The following CYP2E1 variants were observed in gnomAD, a reference collection of about 807,000 sequenced individuals.
CYP2E1 encodes the protein cytochrome P450 family 2 subfamily E member 1.
A neutral mutation model predicts 42.9 loss-of-function variants in CYP2E1; 31 were observed. The observed-to-expected ratio is 0.72, with a 90% CI of 0.54 to 0.98. CYP2E1 has a LOEUF of 0.98. CYP2E1 is among the 50% of genes least tolerant of loss of function. The probability of loss-of-function intolerance (pLI) is 0.00; values close to 1 mark genes in which losing one functional copy is unlikely to be tolerated. For missense variants in CYP2E1, 565 were observed against 633.2 expected, an observed-to-expected ratio of 0.89 and a Z score of 1.16; for synonymous variants, 244 against 248.9, an observed-to-expected ratio of 0.98 and a Z score of 0.19.
At chr10:133,535,681 C>A (rs914569004) in intron 6 of CYP2E1, among the ~76,000 whole-genome samples, 2 of 152,124 alleles carry the variant, frequency 1.3e-5, no homozygotes, top group Non-Finnish European at 2.9e-5. Context: ...ATGTATATAT[C>A]CATTGCCAAA....
intron 6 of CYP2E1, among the ~76,000 whole-genome samples, chr10:133,534,783 C>G (rs1851377943): frequency 6.6e-6 from 1 of 152,128 alleles, no homozygotes; most frequent in African/African-American, 2.4e-5. Context: ...GTTATTTCCC[C>G]CAAGAAAGTC....
chr10:133,532,422 C>T, intron 4 of CYP2E1, 138 bp downstream of exon 4: 1 of 866,682 alleles, frequency 1.2e-6, no homozygotes, highest in South Asian at 1.8e-5. Flanking sequence ...GATTAGACAG[C>T]CCAAATATTC....
intron 3 of CYP2E1, 90 bp downstream of exon 3, chr10:133,531,824 C>A: frequency 7.5e-7 from 1 of 1,338,264 alleles, no homozygotes; most frequent in Non-Finnish European, 1.0e-6. Context: ...GCATCTGAAC[C>A]ACAGGGACCT....
chr10:133,538,968 T>C lies in CYP2E1; in HGVS notation c.*4T>C. On this transcript the variant is annotated 3_prime_UTR_variant, in exon 9 of 9. Transcript: ENST00000252945. ...CTGTGTCATTCCCCGCTCATGAGTG[T>C]GTGGAGGACACCCTGAACCCCCCGC... 6.3e-7 allele frequency: 1 copy of C among 1,596,026 alleles called. No homozygotes were observed. The highest frequency in any genetic ancestry group is 8.6e-7 in the Non-Finnish European group (1 of 1,169,336).
In CYP2E1 at chr10:133,528,200, G is replaced by A. The variant is rs946143206; in HGVS notation, c.178-281G>A. ...TGGTTGGTGGGCGCGCCTGAGGGAA[G>A]GGACGTGAGGAGCCGGAGTCCGCGG... On this transcript the variant is annotated intron_variant, in intron 1 of 8. Transcript: ENST00000252945. 2.6e-5 allele frequency: 9 copies of A among 345,298 alleles called. No individual in the cohort carries two copies. In the South Asian group the frequency reaches 5.5e-4, roughly 21 times the overall value. The allele number at this position is 345,298 out of a possible 1,614,324, so 21.4% of individuals were successfully genotyped here.
intron 6 of CYP2E1, among the ~76,000 whole-genome samples, chr10:133,534,867 T>A (rs1851378878): frequency 1.9e-5 from 1 of 53,304 alleles, no homozygotes; most frequent in African/African-American, 5.0e-5. Flanking sequence ...TTTATTTATT[T>A]ATTTTTTTTT....
At chr10:133,529,551 CG>C (rs955821084) in intron 2 of CYP2E1, among the ~76,000 whole-genome samples, 1 of 152,272 alleles carries the variant, frequency 6.6e-6, no homozygotes, top group Non-Finnish European at 1.5e-5. Context: ...ATTTTTAAAT[CG>C]GTGAGCTCGT....
At position 133,538,981 on chromosome 10, in the gene CYP2E1, C is replaced by G. The variant is rs750396234; in HGVS notation, c.*17C>G. 66 of 1,551,936 alleles carry G rather than the reference C, an allele frequency of 4.3e-5. No individual in the cohort carries two copies. The highest frequency in any genetic ancestry group is 5.5e-5 in the Non-Finnish European group (63 of 1,148,150). ...CGCTCATGAGTGTGTGGAGGACACC[C>G]TGAACCCCCCGCTTTCAAACAAGTT... On this transcript the variant is annotated 3_prime_UTR_variant, in exon 9 of 9. Transcript: ENST00000252945.
chr10:133,531,704 T>G lies in CYP2E1; in HGVS notation c.457T>G (p.Phe153Val), dbSNP rs1208223809. The change falls in exon 3 of 9, where the codon TTC becomes GTC. Residue 153 changes from phenylalanine (F) to valine (V), a missense_variant. Phe to Val is a conservative substitution (Grantham distance 50). Transcript: ENST00000252945. ...GAGCCGGATCCAGAGGGAGGCCCAC[T>G]TCCTGCTGGAAGCACTCAGGAAGAC... ...NESRIQREAH[F>V]LLEALRKTQG... The G allele has an allele frequency of 6.2e-7, 1 of 1,608,264 alleles. No homozygotes were observed. Among genetic ancestry groups the G allele is most frequent in the African/African-American group, 1.3e-5 (1 of 74,770 alleles).
Position 133,538,994 on chromosome 10 carries a change from T to A in CYP2E1, c.*30T>A. 1.3e-6 allele frequency: 2 copies of A among 1,535,340 alleles called. No homozygotes were observed. Among genetic ancestry groups the A allele is most frequent in the Non-Finnish European group, 1.8e-6 (2 of 1,139,202 alleles). ...GTGGAGGACACCCTGAACCCCCCGC[T>A]TTCAAACAAGTTTTCAAATTGTTTG... On this transcript the variant is annotated 3_prime_UTR_variant, in exon 9 of 9. Coordinates refer to ENST00000252945, the MANE Select transcript of CYP2E1 (RefSeq NM_000773.4).
At chr10:133,528,034 G>A (rs1189269019) in intron 1 of CYP2E1, 2 of 224,552 alleles carry the variant, frequency 8.9e-6, no homozygotes, top group Middle Eastern at 1.7e-3. Context: ...CGTCAGCACG[G>A]AGCAGGCGCT....
At chr10:133,533,323 T>G (rs1851360616) in intron 5 of CYP2E1, among the ~76,000 whole-genome samples, 2 of 152,174 alleles carry the variant, frequency 1.3e-5, no homozygotes, top group African/African-American at 2.4e-5. Flanking sequence ...TCTTGTCCTT[T>G]CCTATGGCTT....
At chr10:133,536,509 GTGGA>G (rs1851399301) in intron 6 of CYP2E1, among the ~76,000 whole-genome samples, 1 of 132,622 alleles carries the variant, frequency 7.5e-6, no homozygotes, top group African/African-American at 2.6e-5. Flanking sequence ...GGAAGGGTGG[GTGGA>G]TGGGTGGATG....
chr10:133,536,762 T>A (rs1180426945), intron 6 of CYP2E1, among the ~76,000 whole-genome samples: 25 of 42,330 alleles, frequency 5.9e-4, no homozygotes, highest in South Asian at 1.3e-3. Flanking sequence ...GATGGATGGG[T>A]GGTTGGATGG....
At chr10:133,536,947 G>A (rs1190160258) in intron 6 of CYP2E1, 116 bp from the exon 7 acceptor site, 1 of 782,302 alleles carries the variant, frequency 1.3e-6, no homozygotes, top group East Asian at 2.6e-5. Context: ...GGGGTGGATG[G>A]ATGTGTAGGT....
chr10:133,537,289 T>G, intron 7 of CYP2E1, 39 bp downstream of exon 7: 1 of 1,589,220 alleles, frequency 6.3e-7, no homozygotes. Flanking sequence ...ATGAACACCA[T>G]CCTATCAGCT....
In CYP2E1 at chr10:133,532,259, A is replaced by G. The variant is rs1351088713; in HGVS notation, c.623A>G (p.His208Arg). ...RLMYLFNENF[H>R]LLSTPWLQLY... ...ATGTATTTGTTTAATGAGAACTTCC[A>G]CCTACTCAGCACTCCCTGGCTCCAG... The change falls in exon 4 of 9, where the codon CAC (histidine) becomes CGC (arginine). Residue 208 changes from histidine to arginine, a missense_variant. Physicochemically the swap from His to Arg is conservative, Grantham distance 29. Transcript: ENST00000252945. 1.2e-6 allele frequency: 2 copies of G among 1,613,634 alleles called. No individual in the cohort carries two copies. Among genetic ancestry groups the G allele is most frequent in the Non-Finnish European group, 1.7e-6 (2 of 1,179,676 alleles).
intron 6 of CYP2E1, among the ~76,000 whole-genome samples, chr10:133,535,131 C>G (rs567204885): frequency 6.6e-6 from 1 of 151,884 alleles, no homozygotes; most frequent in African/African-American, 2.4e-5. Flanking sequence ...GTCAGGAGTT[C>G]GAGACCTTCC....
intron 2 of CYP2E1, among the ~76,000 whole-genome samples, chr10:133,530,356 C>T (rs1851321661): frequency 6.6e-6 from 1 of 152,154 alleles, no homozygotes; most frequent in African/African-American, 2.4e-5. Flanking sequence ...CTAAATGGGT[C>T]ATCTCGGGAT....
Sources: gnomAD v4.1 joint callset for allele counts (sites outside exome capture counted in the v4.1 genomes callset) on GRCh38, gnomAD v4.1.1 for gene constraint, MANE v1.5 for transcripts, NCBI Gene and HGNC (gene_info 2026-07-23, HGNC 2026-07-21) for gene names.